ADAMTSL1: variants seen among roughly 807,000 people sequenced by gnomAD.
ADAMTSL1 encodes the protein ADAMTS like 1, also known as ADAMTS-like protein 1.
A neutral mutation model predicts 201.8 loss-of-function variants in ADAMTSL1; 126 were observed. The observed-to-expected ratio is 0.62, with a 90% CI of 0.54 to 0.72. ADAMTSL1 has a LOEUF of 0.72. Among genes scored for constraint, ADAMTSL1 ranks in the 30% least tolerant of loss-of-function variants. ADAMTSL1 has a pLI of 0.00. For synonymous variants in ADAMTSL1, 1,121 were observed against 903.4 expected, an observed-to-expected ratio of 1.24 and a Z score of -4.32; for missense variants, 2,679 against 2,277.8, an observed-to-expected ratio of 1.18 and a Z score of -3.59.
At chr9:18,444,346 T>C (rs1232966501) in intron 2 of ADAMTSL1, among the ~76,000 whole-genome samples, 8 of 152,190 alleles carry the variant, frequency 5.3e-5, no homozygotes, top group Non-Finnish European at 8.8e-5. Flanking sequence ...GATGAGGCCA[T>C]TGGAGCTCAG....
Position 18,722,124 on chromosome 9 carries a change from C to T in ADAMTSL1, c.2006+459C>T, listed in dbSNP as rs551573592. 4.5e-4 allele frequency among the ~76,000 whole-genome samples: 67 copies of T among 148,080 alleles called. No individual in the cohort carries two copies. In the South Asian group the frequency reaches 0.013, roughly 29 times the overall value. Reference sequence around the variant, plus strand: ...ATATGCACACAGCATGCAGATTCATCGTAGCATGCTCTGGGGGTGTGTGTG... The same window carrying T: ...ATATGCACACAGCATGCAGATTCATTGTAGCATGCTCTGGGGGTGTGTGTG... On this transcript the variant is annotated intron_variant, in intron 15 of 28. Coordinates refer to ENST00000380548, the MANE Select transcript of ADAMTSL1 (RefSeq NM_001040272.6).
chr9:18,821,574 A>C (rs1726216507), intron 21 of ADAMTSL1, among the ~76,000 whole-genome samples: 1 of 152,152 alleles, frequency 6.6e-6, no homozygotes, highest in African/African-American at 2.4e-5. Context: ...AAAAAGAGGG[A>C]AACTGGTTTT....
chr9:18,501,630 TTAAA>T (rs1822851674), intron 1 of ADAMTSL1, among the ~76,000 whole-genome samples: 1 of 152,184 alleles, frequency 6.6e-6, no homozygotes, highest in Admixed American at 6.5e-5. Flanking sequence ...CTTCTAGATT[TTAAA>T]TAATCAGAAA....
chr9:18,618,439 G>A (rs1825832672), intron 4 of ADAMTSL1, among the ~76,000 whole-genome samples: 1 of 151,920 alleles, frequency 6.6e-6, no homozygotes, highest in Non-Finnish European at 1.5e-5. Context: ...GTAAAACACA[G>A]GTTCTCGGGT....
intron 19 of ADAMTSL1, among the ~76,000 whole-genome samples, chr9:18,784,893 C>A (rs1228979122): frequency 6.6e-6 from 1 of 152,192 alleles, no homozygotes; most frequent in Non-Finnish European, 1.5e-5. Flanking sequence ...GGGTGAGGCG[C>A]GGTGGCTCAC....
intron 2 of ADAMTSL1, among the ~76,000 whole-genome samples, chr9:18,200,895 T>C (rs1241047481): frequency 1.3e-5 from 2 of 152,110 alleles, no homozygotes; most frequent in South Asian, 2.1e-4. Flanking sequence ...CAGTATACTT[T>C]TTTGCAGAGA....
chr9:18,559,264 A>T (rs1402107650), intron 3 of ADAMTSL1, among the ~76,000 whole-genome samples: 2 of 151,980 alleles, frequency 1.3e-5, no homozygotes, highest in African/African-American at 4.8e-5. Context: ...TAAATAGGGA[A>T]CCCTTTCACT....
At chr9:18,164,644 G>A (rs906294951) in intron 2 of ADAMTSL1, among the ~76,000 whole-genome samples, 2 of 151,650 alleles carry the variant, frequency 1.3e-5, no homozygotes, top group African/African-American at 4.8e-5. Flanking sequence ...ATGACCTTAG[G>A]CTCAGAAGTA....
chr9:17,950,968 C>G (rs1436148255), intron 1 of ADAMTSL1, among the ~76,000 whole-genome samples: 1 of 152,134 alleles, frequency 6.6e-6, no homozygotes, highest in African/African-American at 2.4e-5. Flanking sequence ...TTATTGTTTC[C>G]TAGAGAGAGC....
chr9:18,573,617 C>T (rs1462343816), intron 3 of ADAMTSL1, among the ~76,000 whole-genome samples: 3 of 152,100 alleles, frequency 2.0e-5, no homozygotes, highest in Non-Finnish European at 4.4e-5. Context: ...ATTGTCATAG[C>T]TCTCAATATC....
At chr9:18,476,963 T>C (rs1821485445) in intron 1 of ADAMTSL1, among the ~76,000 whole-genome samples, 1 of 152,204 alleles carries the variant, frequency 6.6e-6, no homozygotes, top group African/African-American at 2.4e-5. Flanking sequence ...GTTGAATCTA[T>C]TTTACGTTAC....
intron 2 of ADAMTSL1, among the ~76,000 whole-genome samples, chr9:18,531,109 A>G (rs112159905): frequency 3.4e-4 from 52 of 152,310 alleles, no homozygotes; most frequent in Non-Finnish European, 6.5e-4. Flanking sequence ...TGTACTCACA[A>G]TAACTCAGCC....
intron 1 of ADAMTSL1, among the ~76,000 whole-genome samples, chr9:18,090,443 C>A (rs1006352498): frequency 2.0e-5 from 3 of 152,160 alleles, no homozygotes; most frequent in African/African-American, 4.8e-5. Context: ...ACTCACACTG[C>A]AACATGGATG....
At chr9:18,229,526 T>C (rs868199183) in intron 2 of ADAMTSL1, among the ~76,000 whole-genome samples, 1 of 151,694 alleles carries the variant, frequency 6.6e-6, no homozygotes. Context: ...TAAAGAAGAG[T>C]CTGTCAGAGG....
chr9:18,569,656 G>C (rs1325998615), intron 3 of ADAMTSL1, among the ~76,000 whole-genome samples: 2 of 152,072 alleles, frequency 1.3e-5, no homozygotes, highest in African/African-American at 2.4e-5. Flanking sequence ...TTTTTGCCAG[G>C]TTCTTGTTAG....
At chr9:18,548,043 AAC>A (rs1820581015) in intron 3 of ADAMTSL1, among the ~76,000 whole-genome samples, 1 of 152,110 alleles carries the variant, frequency 6.6e-6, no homozygotes, top group Non-Finnish European at 1.5e-5. Flanking sequence ...AATTCTGTGA[AAC>A]AGTTTGACAA....
chr9:18,368,506 T>C (rs978666489), intron 2 of ADAMTSL1, among the ~76,000 whole-genome samples: 2 of 152,210 alleles, frequency 1.3e-5, no homozygotes, highest in Admixed American at 1.3e-4. Context: ...TTTGTCACCA[T>C]CTTACAGAAG....
At chr9:18,582,810 C>T (rs1028269487) in intron 4 of ADAMTSL1, among the ~76,000 whole-genome samples, 2 of 151,458 alleles carry the variant, frequency 1.3e-5, no homozygotes, top group East Asian at 3.9e-4. Flanking sequence ...GATTGCACCA[C>T]TGCACTCCAG....
intron 1 of ADAMTSL1, among the ~76,000 whole-genome samples, chr9:18,098,276 T>C (rs1824341880): frequency 6.6e-6 from 1 of 152,156 alleles, no homozygotes; most frequent in African/African-American, 2.4e-5. Flanking sequence ...TTTTCAAGAC[T>C]ATTTTGACTA....
Sources: allele counts gnomAD v4.1 joint callset (sites outside exome capture counted in the v4.1 genomes callset), GRCh38; gene constraint gnomAD v4.1.1; transcripts MANE v1.5; gene names NCBI Gene and HGNC (gene_info 2026-07-23, HGNC 2026-07-21).